TTC28: variants seen among roughly 807,000 people sequenced by gnomAD.
TTC28 encodes the protein tetratricopeptide repeat protein 28.
TTC28 carries 61 observed loss-of-function variants against 198.0 expected under a neutral mutation model. The observed-to-expected ratio is 0.31, with a 90% CI of 0.25 to 0.38. The LOEUF is 0.38. Ranked by LOEUF, TTC28 falls within the 10% of genes least tolerant of loss-of-function variation. The probability of loss-of-function intolerance (pLI) is 1.00; values close to 1 mark genes in which losing one functional copy is unlikely to be tolerated. For synonymous variants in TTC28, 1,171 were observed against 1,297.8 expected (o/e 0.90, Z 2.10); for missense variants, 2,678 against 3,164.0 (o/e 0.85, Z 3.69).
chr22:28,350,839 T>C (rs1281195918), intron 2 of TTC28, among the ~76,000 whole-genome samples: 1 of 152,150 alleles, frequency 6.6e-6, no homozygotes, highest in Non-Finnish European at 1.5e-5. Context: ...GAAAACCCAA[T>C]TAATCTTTTA....
chr22:28,561,126 T>G (rs1167501429), intron 2 of TTC28, among the ~76,000 whole-genome samples: 1 of 138,064 alleles, frequency 7.2e-6, no homozygotes, highest in Admixed American at 8.0e-5. Context: ...CAGGCTGGAG[T>G]GCAGTGGCGC....
At chr22:28,647,754 G>C (rs541140646) in intron 1 of TTC28, among the ~76,000 whole-genome samples, 1 of 151,410 alleles carries the variant, frequency 6.6e-6, no homozygotes, top group African/African-American at 2.4e-5. Flanking sequence ...CAAGAGAATG[G>C]TGTGAACCTG....
intron 2 of TTC28, among the ~76,000 whole-genome samples, chr22:28,626,376 G>A: frequency 6.6e-6 from 1 of 152,034 alleles, no homozygotes; most frequent in East Asian, 1.9e-4. Flanking sequence ...TACTTATGGA[G>A]AGAGACAGAA....
chr22:28,440,694 A>G (rs2047606576), intron 2 of TTC28, among the ~76,000 whole-genome samples: 1 of 152,206 alleles, frequency 6.6e-6, no homozygotes, highest in Non-Finnish European at 1.5e-5. Context: ...ACCGTTTGGT[A>G]AAACACATGG....
At position 28,098,933 on chromosome 22, in the gene TTC28, G is replaced by A. The variant is rs1436828342; in HGVS notation, c.3529C>T (p.Arg1177Trp). 4 of 1,551,682 alleles carry A rather than the reference G, an allele frequency of 2.6e-6. No homozygotes were observed. Among genetic ancestry groups the A allele is most frequent in the East Asian group, 2.4e-5 (1 of 40,900 alleles). Residue 1177 changes from arginine (R) to tryptophan (W), a missense_variant, in exon 10 of 23, where the codon CGG becomes TGG. Around this residue, in one of 8 missense-constraint regions of TTC28, gnomAD observed 727 missense variants for 861.9 expected, o/e 0.84. Coordinates refer to ENST00000397906, the MANE Select transcript of TTC28 (RefSeq NM_001145418.2). ...TTCTCACCTAGGCTGACGAGCACCC[G>A]CTGCAAGGCCTGGTAGGATGATGTC... Reference protein sequence around the residue: ...LQTSSYQALQRVLVSLGHHDE... With the variant: ...LQTSSYQALQWVLVSLGHHDE...
chr22:28,370,226 T>A (rs907516694), intron 2 of TTC28, among the ~76,000 whole-genome samples: 9 of 152,226 alleles, frequency 5.9e-5, no homozygotes, highest in Non-Finnish European at 1.2e-4. Flanking sequence ...CTACAGCTTC[T>A]ATCACACAGT....
In TTC28 at chr22:28,286,076, C is replaced by T. The variant is rs572232642; in HGVS notation, c.933+10122G>A. ...GTGCAGTGGCGTGATCTCGGCTCAC[C>T]ACAAGCTCCGCCTCCTGGGTTCACG... is the stretch of plus-strand genomic sequence containing the variant. On this transcript the variant is annotated intron_variant, in intron 5 of 22. Transcript: ENST00000397906. Among the ~76,000 whole-genome samples the T allele has an allele frequency of 2.2e-4, 33 of 151,982 alleles. No individual in the cohort carries two copies. In the East Asian group the frequency reaches 5.8e-3, roughly 27 times the overall value.
chr22:28,371,091 G>A (rs1227663694), intron 2 of TTC28, among the ~76,000 whole-genome samples: 1 of 152,112 alleles, frequency 6.6e-6, no homozygotes, highest in Non-Finnish European at 1.5e-5. Flanking sequence ...TTCAACCTCA[G>A]GACAGGTAGC....
chr22:28,622,182 T>TA (rs770046249), intron 2 of TTC28, among the ~76,000 whole-genome samples: 5 of 152,068 alleles, frequency 3.3e-5, no homozygotes, highest in African/African-American at 7.2e-5. Flanking sequence ...GGTAGAAAAA[T>TA]AGTTTTTCTG....
At chr22:28,565,916 A>G (rs575861986) in intron 2 of TTC28, among the ~76,000 whole-genome samples, 2 of 152,340 alleles carry the variant, frequency 1.3e-5, no homozygotes, top group South Asian at 4.1e-4. Context: ...GGGAAAGTGG[A>G]AAGCTTACTC....
chr22:28,374,654 A>T (rs2046382823), intron 2 of TTC28, among the ~76,000 whole-genome samples: 1 of 152,070 alleles, frequency 6.6e-6, no homozygotes, highest in South Asian at 2.1e-4. Flanking sequence ...CAGACATCAA[A>T]GTGATATACA....
chr22:28,070,251 C>T (rs1200232617), intron 12 of TTC28, among the ~76,000 whole-genome samples: 1 of 152,146 alleles, frequency 6.6e-6, no homozygotes, highest in African/African-American at 2.4e-5. Context: ...TCTCTGCCCT[C>T]AATGGGCCTC....
chr22:27,985,475 C>G, intron 21 of TTC28, 119 bp from the exon 22 acceptor site: 1 of 780,302 alleles, frequency 1.3e-6, no homozygotes, highest in Non-Finnish European at 2.0e-6. Context: ...CTTCAGCAAG[C>G]ATTTGGGCCT....
chr22:28,028,687 T>C (rs1938943710), intron 13 of TTC28: 1 of 248,120 alleles, frequency 4.0e-6, no homozygotes, highest in Non-Finnish European at 8.1e-6. Flanking sequence ...CACAGACGTC[T>C]CATCCCTTCC....
At chr22:28,041,630 C>A (rs1939643906) in intron 12 of TTC28, among the ~76,000 whole-genome samples, 1 of 152,142 alleles carries the variant, frequency 6.6e-6, no homozygotes, top group Non-Finnish European at 1.5e-5. Context: ...CATAAAAACC[C>A]TAGAAGAAAA....
rs537615026 is a variant in TTC28, at chr22:28,005,093, A to C, written c.4219-3540T>G. On this transcript the variant is annotated intron_variant, in intron 14 of 22. Transcript: ENST00000397906. This position sits in a 1 kb window ranked among gnomAD's most constrained non-coding sequence, Gnocchi z 4.9. The stretch of plus-strand genomic sequence containing the variant: ...TAGTAATGGGATTTCTGAAAGCAGA[A>C]GATGACAGGGCCAGGTGCACTAGAA... Among the ~76,000 whole-genome samples, 2 of 152,328 alleles carry C rather than the reference A, an allele frequency of 1.3e-5. No individual in the cohort carries two copies. The highest frequency in any genetic ancestry group is 3.9e-4 in the East Asian group (2 of 5,180).
chr22:28,330,742 G>A lies in TTC28; in HGVS notation c.382-24099C>T, dbSNP rs1183654095. ...GTACAAAGGTTTTCAGTGCAAAGAG[G>A]GTATATAAGAAAAGATAATTAATAG... is the stretch of plus-strand genomic sequence containing the variant. On this transcript the variant is annotated intron_variant, in intron 2 of 22. Coordinates refer to ENST00000397906, the MANE Select transcript of TTC28 (RefSeq NM_001145418.2). Among the ~76,000 whole-genome samples the A allele has an allele frequency of 2.6e-5, 4 of 151,748 alleles. No individual in the cohort carries two copies. In the South Asian group the frequency reaches 6.3e-4, roughly 24 times the overall value.
chr22:28,389,735 T>G (rs943246801), intron 2 of TTC28, among the ~76,000 whole-genome samples: 1 of 148,456 alleles, frequency 6.7e-6, no homozygotes, highest in Non-Finnish European at 1.5e-5. Context: ...TTCTCTCTTT[T>G]TTTCTTTATT....
intron 2 of TTC28, among the ~76,000 whole-genome samples, chr22:28,403,260 A>G (rs2046946663): frequency 6.6e-6 from 1 of 152,202 alleles, no homozygotes; most frequent in Admixed American, 6.5e-5. Context: ...ACTATCTACA[A>G]GGCTGACACA....
Sources: gnomAD v4.1 joint callset for allele counts (sites outside exome capture counted in the v4.1 genomes callset) on GRCh38, gnomAD v4.1.1 for gene constraint, gnomAD v4.1.1 regional missense constraint, Gnocchi (gnomAD v3.1) non-coding constraint, MANE v1.5 for transcripts, NCBI Gene and HGNC (gene_info 2026-07-23, HGNC 2026-07-21) for gene names.